The following BEND3 variants were observed in gnomAD, a reference collection of about 807,000 sequenced individuals.
BEND3 encodes BEN domain-containing protein 3.
In BEND3, 13 loss-of-function variants were observed where a neutral mutation model predicts 60.1. The ratio of observed to expected loss-of-function variants is 0.22; its 90% CI spans 0.14 to 0.34. The LOEUF is 0.34. BEND3 is among the 10% of genes least tolerant of loss of function. The probability of loss-of-function intolerance (pLI) is 1.00; values close to 1 mark genes in which losing one functional copy is unlikely to be tolerated. For synonymous variants in BEND3, 497 were observed against 491.5 expected (o/e 1.01, Z -0.15); for missense variants, 896 against 1,138.1 (o/e 0.79, Z 3.06).
intron 3 of BEND3, among the ~76,000 whole-genome samples, chr6:107,078,540 T>C (rs368026271): frequency 9.6e-5 from 14 of 145,618 alleles, no homozygotes; most frequent in African/African-American, 1.5e-4. Context: ...CTGCAAGCTC[T>C]GCCTCCTGGG....
Position 107,068,832 on chromosome 6 carries a change from C to T in BEND3, c.2359G>A (p.Val787Ile), listed in dbSNP as rs1157840254. ...TCCTCCATCTTCTCCACCGGGTAGA[C>T]GGCTTCCACGTAGTGGCGGATGAGC... ...LRLIRHYVEA[V>I]YPVEKMEEVW... Residue 787 changes from valine (V) to isoleucine (I), a missense_variant, in exon 4 of 4, where the codon GTC (valine) becomes ATC (isoleucine). Val to Ile is a conservative substitution (Grantham distance 29, BLOSUM62 3). Around this residue, in one of 4 missense-constraint regions of BEND3, gnomAD observed 29 missense variants for 51.9 expected, o/e 0.56. Transcript: ENST00000369042. The surrounding 1 kb of genome is among the most constrained non-coding windows in gnomAD (Gnocchi z 5.8). 1.1e-5 allele frequency: 18 copies of T among 1,614,026 alleles called. No homozygotes were observed. The highest frequency in any genetic ancestry group is 3.3e-5 in the Admixed American group (2 of 60,016).
intron 3 of BEND3, among the ~76,000 whole-genome samples, chr6:107,083,265 C>T (rs578022769): frequency 2.0e-5 from 3 of 152,160 alleles, no homozygotes; most frequent in South Asian, 2.1e-4. Context: ...ACAAGGTATG[C>T]GGCAAGTGGC....
At chr6:107,091,428 T>TA (rs1466811604) in intron 3 of BEND3, among the ~76,000 whole-genome samples, 2 of 152,048 alleles carry the variant, frequency 1.3e-5, no homozygotes, top group African/African-American at 4.8e-5. Flanking sequence ...CAGGCTAAGT[T>TA]AGAGAGAGAA....
intron 1 of BEND3, among the ~76,000 whole-genome samples, chr6:107,100,139 G>A (rs1028666778): frequency 6.6e-6 from 1 of 152,074 alleles, no homozygotes; most frequent in African/African-American, 2.4e-5. Context: ...AAAGTGCTGG[G>A]ATTACACATC....
intron 3 of BEND3, among the ~76,000 whole-genome samples, chr6:107,087,790 T>C (rs1775385758): frequency 8.2e-6 from 1 of 121,370 alleles, no homozygotes; most frequent in African/African-American, 3.0e-5. Context: ...CAAATGAAAA[T>C]ACTTTTTTTT....
At position 107,088,026 on chromosome 6, in the gene BEND3, A is replaced by C. The variant is rs112278669; in HGVS notation, c.240+10525T>G. Among the ~76,000 whole-genome samples the C allele has an allele frequency of 1.9e-3, 254 of 133,078 alleles. 1 individual carries two copies. Among genetic ancestry groups the C allele is most frequent in the African/African-American group, 7.2e-3 (249 of 34,532 alleles). 87.3% of individuals were successfully genotyped at this position (133,078 alleles called of 152,430 possible). On this transcript the variant is annotated intron_variant, in intron 3 of 3. Coordinates refer to ENST00000369042, the MANE Select transcript of BEND3 (RefSeq NM_001367314.1). ...AGAGCCCTTTTTTTTTTTTTTTTAG[A>C]GACAGGTTCTTGCTTTGTTCCCCTG...
chr6:107,084,339 G>A, intron 3 of BEND3, among the ~76,000 whole-genome samples: 1 of 152,270 alleles, frequency 6.6e-6, no homozygotes, highest in Non-Finnish European at 1.5e-5. Flanking sequence ...GTTCTACTGA[G>A]AGGTGAAGCC....
In BEND3 at chr6:107,069,065, G is replaced by A. The variant is rs888036628; in HGVS notation, c.2126C>T (p.Pro709Leu). The A allele has an allele frequency of 6.2e-7, 1 of 1,613,426 alleles. No individual in the cohort carries two copies. Among genetic ancestry groups the A allele is most frequent in the Non-Finnish European group, 8.5e-7 (1 of 1,180,014 alleles). The stretch of plus-strand genomic sequence containing the variant: ...AGAAGGCACCGGGAAGTCAGGCGAG[G>A]GGACCACCAGCTCGTCCAAGGGGAT... The part of the protein sequence containing the change: ...CKIPLDELVV[P>L]SPDFPVPSPY... The change falls in exon 4 of 4, where the codon CCC becomes CTC. Residue 709 changes from proline to leucine, a missense_variant. Transcript: ENST00000369042.
chr6:107,089,199 T>C (rs146649268), intron 3 of BEND3, among the ~76,000 whole-genome samples: 34 of 152,120 alleles, frequency 2.2e-4, no homozygotes, highest in Middle Eastern at 3.4e-3. Flanking sequence ...ATGTGAGAAA[T>C]TGAAGAAGAC....
In BEND3 at chr6:107,070,832, T is replaced by C. The variant is rs1774962708; in HGVS notation, c.359A>G (p.Asn120Ser). ...NVWPGEEEPC[N>S]DATTPSYKKP... ...CTTGTAGGAAGGGGTGGTGGCATCGTTGCAGGGCTCCTCCTCTCCAGGCCA... is the reference window on the plus strand; with the variant it reads ...CTTGTAGGAAGGGGTGGTGGCATCGCTGCAGGGCTCCTCCTCTCCAGGCCA... Residue 120 changes from asparagine to serine, a missense_variant, in exon 4 of 4, where the codon AAC becomes AGC. Physicochemically the swap from Asn to Ser is conservative, Grantham distance 46. Around this residue, in one of 4 missense-constraint regions of BEND3, gnomAD observed 846 missense variants for 1,036.7 expected, o/e 0.82. Transcript: ENST00000369042. The surrounding 1 kb of genome is among the most constrained non-coding windows in gnomAD (Gnocchi z 6.9). 1 of 1,613,868 alleles carries C rather than the reference T, an allele frequency of 6.2e-7. No homozygotes were observed. Among genetic ancestry groups the C allele is most frequent in the Non-Finnish European group, 8.5e-7 (1 of 1,180,020 alleles).
Position 107,069,267 on chromosome 6 carries a change from G to A in BEND3, c.1924C>T (p.Arg642Cys), listed in dbSNP as rs1167437884. Reference sequence around the variant, plus strand: ...TGCTCCGTGTCCCGGCGCCGGCAGCGCTCATCCAGTTTGCCCACGAACTCC... The same window carrying A: ...TGCTCCGTGTCCCGGCGCCGGCAGCACTCATCCAGTTTGCCCACGAACTCC... ...TLEFVGKLDE[R>C]CRRRDTEQRR... The change falls in exon 4 of 4, where the codon CGC becomes TGC. Residue 642 changes from arginine (R) to cysteine (C), a missense_variant. By Grantham distance (180) the Arg-to-Cys change is radical. This residue lies in a region of BEND3 where 846 missense variants were observed against 1,036.7 expected (regional missense o/e 0.82). Coordinates refer to ENST00000369042, the MANE Select transcript of BEND3 (RefSeq NM_001367314.1). The A allele has an allele frequency of 3.1e-6, 5 of 1,611,794 alleles. No individual in the cohort carries two copies. The highest frequency in any genetic ancestry group is 1.7e-5 in the Admixed American group (1 of 59,858).
chr6:107,077,899 AAAAAC>A (rs1329406182), intron 3 of BEND3, among the ~76,000 whole-genome samples: 1 of 152,212 alleles, frequency 6.6e-6, no homozygotes, highest in Non-Finnish European at 1.5e-5. Flanking sequence ...TTTCCAAATG[AAAAAC>A]AAACCACAGA....
At chr6:107,101,227 GCATGAAGCCATCTAAAATGTTCAGTGAAC>G (rs1319745653) in intron 1 of BEND3, among the ~76,000 whole-genome samples, 1 of 152,080 alleles carries the variant, frequency 6.6e-6, no homozygotes, top group Non-Finnish European at 1.5e-5. Flanking sequence ...AACTCTGTAA[GCATGAAGCCATCTAAAATGTTCAGTGAAC>G]CATTCAAGGA....
intron 3 of BEND3, among the ~76,000 whole-genome samples, chr6:107,080,371 A>AAAAAAAAAAAAAAAAAAAAAAAC: frequency 8.4e-6 from 1 of 119,170 alleles, no homozygotes; most frequent in Non-Finnish European, 1.6e-5. Flanking sequence ...AAAAAAAAAA[A>AAAAAAAAAAAAAAAAAAAAAAAC]AAAAAACAAA....
intron 1 of BEND3, among the ~76,000 whole-genome samples, chr6:107,113,462 A>AAAAAC (rs1770169920): frequency 6.9e-6 from 1 of 143,984 alleles, no homozygotes; most frequent in African/African-American, 2.6e-5. Flanking sequence ...AACAAAAAAA[A>AAAAAC]AACTCATGTT....
chr6:107,088,413 T>C (rs1554234648), intron 3 of BEND3, among the ~76,000 whole-genome samples: 2 of 152,090 alleles, frequency 1.3e-5, no homozygotes, highest in African/African-American at 2.4e-5. Flanking sequence ...AGAAGAAATA[T>C]TTGAAACCAC....
chr6:107,070,033 G>C lies in BEND3; in HGVS notation c.1158C>G (p.Ile386Met). ...GCGTGTCCACCACGTGGTCTGAGGC[G>C]ATGGTGCTGCTCCGGTCAAGAGACA... Reference protein sequence around the residue: ...EALSLDRSSTIASDHVVDTQD... With the variant: ...EALSLDRSSTMASDHVVDTQD... Residue 386 changes from isoleucine (I) to methionine (M), a missense_variant, in exon 4 of 4, where the codon ATC becomes ATG. Physicochemically the swap from Ile to Met is conservative, Grantham distance 10 (BLOSUM62 1). Coordinates refer to ENST00000369042, the MANE Select transcript of BEND3 (RefSeq NM_001367314.1). This position sits in a 1 kb window ranked among gnomAD's most constrained non-coding sequence, Gnocchi z 6.9. 1 of 1,613,792 alleles carries C rather than the reference G, an allele frequency of 6.2e-7. No homozygotes were observed. Among genetic ancestry groups the C allele is most frequent in the Admixed American group, 1.7e-5 (1 of 60,028 alleles).
rs782720317 is a variant in BEND3 at position 107,070,925 on chromosome 6, C to T, written c.266G>A (p.Arg89His). ...PEALLAGMRN[R>H]ENSSPCQGNG... ...GCCTTGGCAGGGCGAGCTGTTCTCA[C>T]GGTTCCGCATGCCTGCTAGGAGAGC... Residue 89 changes from arginine (R) to histidine (H), a missense_variant, in exon 4 of 4, where the codon CGT (arginine) becomes CAT (histidine). By Grantham distance (29) the Arg-to-His change is conservative. Around this residue, in one of 4 missense-constraint regions of BEND3, gnomAD observed 846 missense variants for 1,036.7 expected, o/e 0.82. Coordinates refer to ENST00000369042, the MANE Select transcript of BEND3 (RefSeq NM_001367314.1). The surrounding 1 kb of genome is among the most constrained non-coding windows in gnomAD (Gnocchi z 6.9). 12 of 1,612,614 alleles carry T rather than the reference C, an allele frequency of 7.4e-6. No homozygotes were observed. Among genetic ancestry groups the T allele is most frequent in the Middle Eastern group, 3.3e-4 (2 of 6,032 alleles).
At chr6:107,083,356 A>C (rs1295076994) in intron 3 of BEND3, among the ~76,000 whole-genome samples, 2 of 152,152 alleles carry the variant, frequency 1.3e-5, no homozygotes, top group Non-Finnish European at 2.9e-5. Flanking sequence ...ACGGTGGCTC[A>C]TGCCTGTAAT....
Sources: allele counts gnomAD v4.1 joint callset (sites outside exome capture counted in the v4.1 genomes callset), GRCh38; gene constraint gnomAD v4.1.1; regional missense constraint gnomAD v4.1.1; non-coding constraint Gnocchi (gnomAD v3.1); transcripts MANE v1.5; gene names NCBI Gene and HGNC (gene_info 2026-07-23, HGNC 2026-07-21).